Variants in RPS6KB1 observed in about 807,000 individuals in gnomAD.
RPS6KB1 encodes the protein ribosomal protein S6 kinase beta-1.
A neutral mutation model predicts 70.2 loss-of-function variants in RPS6KB1; 12 were observed. The ratio of observed to expected loss-of-function variants is 0.17; its 90% CI spans 0.11 to 0.28. RPS6KB1 has a LOEUF of 0.28. Among genes scored for constraint, RPS6KB1 ranks in the 10% least tolerant of loss-of-function variants. The pLI, the probability that RPS6KB1 is intolerant of heterozygous loss-of-function variation, is 1.00. For synonymous variants in RPS6KB1, 175 were observed against 211.2 expected (o/e 0.83, Z 1.49); for missense variants, 270 against 646.6 (o/e 0.42, Z 6.32).
intron 1 of RPS6KB1, among the ~76,000 whole-genome samples, chr17:59,900,009 TAAAA>T (rs912078259): frequency 2.0e-5 from 3 of 151,498 alleles, no homozygotes; most frequent in East Asian, 3.9e-4. Context: ...TACAAAAAAT[TAAAA>T]AAATAAATAG....
intron 1 of RPS6KB1, among the ~76,000 whole-genome samples, chr17:59,897,524 G>A (rs1296380407): frequency 1.3e-5 from 2 of 152,102 alleles, no homozygotes; most frequent in Non-Finnish European, 2.9e-5. Context: ...ATCCCGTTTA[G>A]AGAGATGTGC....
rs1278546382 is a variant in RPS6KB1, at chr17:59,947,127, T to G, written c.*339T>G. Reference sequence around the variant, plus strand: ...TTCTGAATCACTGTTGAGTTCTGATTGTGTTGAAGAAGGGTTATCCTTTCA... The same window carrying G: ...TTCTGAATCACTGTTGAGTTCTGATGGTGTTGAAGAAGGGTTATCCTTTCA... On this transcript the variant is annotated 3_prime_UTR_variant, in exon 15 of 15. Coordinates refer to ENST00000225577, the MANE Select transcript of RPS6KB1 (RefSeq NM_003161.4). 3 of 1,113,274 alleles carry G rather than the reference T, an allele frequency of 2.7e-6. No homozygotes were observed. Among genetic ancestry groups the G allele is most frequent in the Non-Finnish European group, 2.2e-6 (2 of 908,620 alleles). 69.0% of individuals were successfully genotyped at this position (1,113,274 alleles called of 1,614,324 possible).
At chr17:59,912,931 C>G in intron 3 of RPS6KB1, 127 bp downstream of exon 3, 3 of 1,011,354 alleles carry the variant, frequency 3.0e-6, no homozygotes, top group Non-Finnish European at 4.4e-6. Context: ...GACCACTTAG[C>G]TGGTATGTTT....
chr17:59,938,130 C>T (rs958462805), intron 12 of RPS6KB1, among the ~76,000 whole-genome samples: 8 of 145,338 alleles, frequency 5.5e-5, no homozygotes, highest in Non-Finnish European at 9.1e-5. Context: ...TTGACAGTTT[C>T]CTTAGTTGTT....
At position 59,893,145 on chromosome 17, in the gene RPS6KB1, T is replaced by A; in HGVS notation, c.-40T>A. On this transcript the variant is annotated 5_prime_UTR_variant, in exon 1 of 15. An upstream start codon of the reference 5' UTR is lost. Coordinates refer to ENST00000225577, the MANE Select transcript of RPS6KB1 (RefSeq NM_003161.4). The surrounding 1 kb of genome is among the most constrained non-coding windows in gnomAD (Gnocchi z 4.1). ...CGCACTGAGCCTAAGCAGCCGGTGA[T>A]GGCGGCAGCGGCTGTGGTGGCTGCG... is the stretch of plus-strand genomic sequence containing the variant. The A allele has an allele frequency of 6.3e-7, 1 of 1,598,218 alleles. No homozygotes were observed. Among genetic ancestry groups the A allele is most frequent in the Non-Finnish European group, 8.5e-7 (1 of 1,173,210 alleles).
intron 9 of RPS6KB1, 65 bp from the exon 10 acceptor site, chr17:59,935,128 T>C: frequency 1.1e-6 from 1 of 909,400 alleles, no homozygotes. Flanking sequence ...TATTCAAAAT[T>C]TGTTTCTTAT....
At chr17:59,913,710 A>C (rs1250791975) in intron 3 of RPS6KB1, 1 of 152,068 alleles carries the variant, frequency 6.6e-6, no homozygotes, top group Non-Finnish European at 1.5e-5. Flanking sequence ...TTTATTTTTT[A>C]TGATTTTTGA....
At chr17:59,915,949 C>G (rs960184653) in intron 4 of RPS6KB1, among the ~76,000 whole-genome samples, 65 of 151,374 alleles carry the variant, frequency 4.3e-4, no homozygotes, top group Admixed American at 1.6e-3. Flanking sequence ...CCACGCCCGG[C>G]TAATTTTGTA....
intron 1 of RPS6KB1, among the ~76,000 whole-genome samples, chr17:59,900,362 A>G (rs568052230): frequency 1.3e-5 from 2 of 151,748 alleles, no homozygotes; most frequent in Admixed American, 6.6e-5. Flanking sequence ...TTTAGAGTCT[A>G]TTTTCTTTTT....
chr17:59,932,103 A>G, intron 7 of RPS6KB1, among the ~76,000 whole-genome samples: 1 of 152,090 alleles, frequency 6.6e-6, no homozygotes, highest in Non-Finnish European at 1.5e-5. Context: ...GAGTTTTAAT[A>G]ATGAAAATAT....
At chr17:59,899,292 G>A (rs752721136) in intron 1 of RPS6KB1, among the ~76,000 whole-genome samples, 3 of 152,056 alleles carry the variant, frequency 2.0e-5, no homozygotes, top group Non-Finnish European at 2.9e-5. Context: ...CTTCTTGTGT[G>A]AGCCTTCTAG....
At chr17:59,922,694 G>A (rs1043289478) in intron 4 of RPS6KB1, among the ~76,000 whole-genome samples, 5 of 149,602 alleles carry the variant, frequency 3.3e-5, no homozygotes, top group Admixed American at 1.3e-4. Context: ...ACAGGCGTGC[G>A]CCATCGCGCC....
intron 4 of RPS6KB1, among the ~76,000 whole-genome samples, chr17:59,917,493 G>C (rs2043025757): frequency 6.6e-6 from 1 of 151,822 alleles, no homozygotes; most frequent in South Asian, 2.1e-4. Flanking sequence ...GCTGGAGTGT[G>C]GTGGTGTGAT....
chr17:59,938,170 C>CTTTTTTTTTTTTTTT (rs72001861), intron 12 of RPS6KB1, among the ~76,000 whole-genome samples: 1 of 71,454 alleles, frequency 1.4e-5, no homozygotes, highest in Non-Finnish European at 2.8e-5. Flanking sequence ...TCTTTTCTTT[C>CTTTTTTTTTTTTTTT]TTTTTTTTTT....
intron 1 of RPS6KB1, among the ~76,000 whole-genome samples, chr17:59,909,906 G>A (rs543838024): frequency 5.5e-4 from 83 of 152,078 alleles, no homozygotes; most frequent in Non-Finnish European, 9.4e-4. Flanking sequence ...CAGCTACTCG[G>A]AAGGCTGAGG....
chr17:59,925,527 T>C (rs1379136360), intron 4 of RPS6KB1, among the ~76,000 whole-genome samples: 1 of 152,194 alleles, frequency 6.6e-6, no homozygotes, highest in African/African-American at 2.4e-5. Flanking sequence ...ATAGATCTTC[T>C]TAGTTGGTTT....
At chr17:59,899,091 C>G (rs547946995) in intron 1 of RPS6KB1, among the ~76,000 whole-genome samples, 2 of 151,716 alleles carry the variant, frequency 1.3e-5, no homozygotes, top group Admixed American at 6.6e-5. Flanking sequence ...GTAATCCCAG[C>G]TACTCGGGAG....
At chr17:59,897,552 A>G (rs1292039) in intron 1 of RPS6KB1, among the ~76,000 whole-genome samples, 1 of 152,050 alleles carries the variant, frequency 6.6e-6, no homozygotes, top group African/African-American at 2.4e-5. Context: ...GGTACGTTAC[A>G]GAGTGACTAT....
At chr17:59,909,509 G>T (rs1428685742) in intron 1 of RPS6KB1, among the ~76,000 whole-genome samples, 1 of 150,622 alleles carries the variant, frequency 6.6e-6, no homozygotes, top group Non-Finnish European at 1.5e-5. Context: ...CTCGTGATCT[G>T]CCCGCATCGG....
Sources: allele counts gnomAD v4.1 joint callset (sites outside exome capture counted in the v4.1 genomes callset), GRCh38; gene constraint gnomAD v4.1.1; non-coding constraint Gnocchi (gnomAD v3.1); transcripts MANE v1.5; gene names NCBI Gene and HGNC (gene_info 2026-07-23, HGNC 2026-07-21).